The following LAMA3 variants were observed in gnomAD, a reference collection of about 807,000 sequenced individuals.
LAMA3 encodes laminin subunit alpha 3, also known as laminin subunit alpha-3.
LAMA3 carries 281 observed loss-of-function variants against 402.0 expected under a neutral mutation model. The observed-to-expected ratio is 0.70, with a 90% CI of 0.63 to 0.77. The LOEUF is 0.77. Among genes scored for constraint, LAMA3 ranks in the 30% least tolerant of loss-of-function variants. The probability of loss-of-function intolerance (pLI) is 0.00; values close to 1 mark genes in which losing one functional copy is unlikely to be tolerated. For synonymous variants in LAMA3, 1,431 were observed against 1,558.4 expected (o/e 0.92, Z 1.93); for missense variants, 3,840 against 4,215.5 (o/e 0.91, Z 2.47).
chr18:23,691,839 T>C (rs1353648290), intron 1 of LAMA3, among the ~76,000 whole-genome samples: 9 of 152,238 alleles, frequency 5.9e-5, no homozygotes, highest in African/African-American at 1.9e-4. Flanking sequence ...CCCAAAGTGC[T>C]GGGATTACAG....
Position 23,856,993 on chromosome 18 carries a change from C to T in LAMA3, c.4137-851C>T, listed in dbSNP as rs369416827. On this transcript the variant is annotated intron_variant, in intron 32 of 74. Coordinates refer to ENST00000313654, the MANE Select transcript of LAMA3 (RefSeq NM_198129.4). Reference sequence around the variant, plus strand: ...CACAAGTCCAACCACACCCTCTCCTCCTTAACAGCTGTTCATGTTGCCTTG... The same window carrying T: ...CACAAGTCCAACCACACCCTCTCCTTCTTAACAGCTGTTCATGTTGCCTTG... Among the ~76,000 whole-genome samples the T allele has an allele frequency of 2.0e-4, 30 of 152,274 alleles. No homozygotes were observed. In the South Asian group the frequency reaches 6.2e-3, roughly 32 times the overall value.
intron 64 of LAMA3, among the ~76,000 whole-genome samples, chr18:23,930,380 G>A (rs113983658): frequency 2.6e-5 from 4 of 152,128 alleles, no homozygotes; most frequent in African/African-American, 7.2e-5. Context: ...TTGAGGAATC[G>A]AGTCTTTGCT....
chr18:23,843,829 G>A (rs1035106980), intron 29 of LAMA3, among the ~76,000 whole-genome samples: 6 of 152,094 alleles, frequency 3.9e-5, no homozygotes, highest in Admixed American at 1.3e-4. Context: ...ATACAAATCC[G>A]TTCTCAAACC....
chr18:23,929,910 C>T lies in LAMA3; in HGVS notation c.8436+1145C>T, dbSNP rs190722229. 3.7e-3 allele frequency among the ~76,000 whole-genome samples: 570 copies of T among 152,220 alleles called. 4 individuals are homozygous for T. The highest frequency in any genetic ancestry group is 0.013 in the African/African-American group (554 of 41,536). On this transcript the variant is annotated intron_variant, in intron 64 of 74. Coordinates refer to ENST00000313654, the MANE Select transcript of LAMA3 (RefSeq NM_198129.4). The stretch of plus-strand genomic sequence containing the variant: ...AATTAGGTTAGCAAAAGATTAGATC[C>T]GCCCTGGACAATGGGGGAATCCTGG...
At position 23,689,667 on chromosome 18, in the gene LAMA3, G is replaced by C; in HGVS notation, c.-17G>C. 2 of 1,309,222 alleles carry C rather than the reference G, an allele frequency of 1.5e-6. No homozygotes were observed. The highest frequency in any genetic ancestry group is 6.3e-5 in the East Asian group (2 of 31,592). 81.1% of individuals were successfully genotyped at this position (1,309,222 alleles called of 1,614,324 possible). On this transcript the variant is annotated 5_prime_UTR_variant, in exon 1 of 75. Transcript: ENST00000313654. Reference sequence around the variant, plus strand: ...CCCTCTGCGGACGGCTCAGGCGGGAGGACCCCGCGCGGCTGGATGGCGGCG... The same window carrying C: ...CCCTCTGCGGACGGCTCAGGCGGGACGACCCCGCGCGGCTGGATGGCGGCG...
At chr18:23,916,365 A>G (rs2081620987) in intron 59 of LAMA3, among the ~76,000 whole-genome samples, 186 bp from the exon 60 acceptor site, 1 of 152,222 alleles carries the variant, frequency 6.6e-6, no homozygotes, top group African/African-American at 2.4e-5. Context: ...ATGAGAGCAC[A>G]TCCAGGAGAA....
intron 1 of LAMA3, among the ~76,000 whole-genome samples, chr18:23,702,373 C>T (rs566731261): frequency 1.3e-5 from 2 of 152,262 alleles, no homozygotes; most frequent in African/African-American, 4.8e-5. Flanking sequence ...CTTTGTTGCC[C>T]AGGCTGGAGT....
chr18:23,954,767 C>A lies in LAMA3; in HGVS notation c.*119C>A. 1.8e-6 allele frequency: 2 copies of A among 1,094,094 alleles called. No individual in the cohort carries two copies. The highest frequency in any genetic ancestry group is 2.8e-6 in the Non-Finnish European group (2 of 718,114). 67.8% of individuals were successfully genotyped at this position (1,094,094 alleles called of 1,614,324 possible). The stretch of plus-strand genomic sequence containing the variant: ...GACACAAACCAGACAGGTTTAATAG[C>A]GAATCTAATTTTGAATTCTGACCAT... On this transcript the variant is annotated 3_prime_UTR_variant, in exon 75 of 75. Coordinates refer to ENST00000313654, the MANE Select transcript of LAMA3 (RefSeq NM_198129.4).
At chr18:23,915,520 G>A (rs878912917) in intron 59 of LAMA3, 98 bp downstream of exon 59, 19 of 1,109,244 alleles carry the variant, frequency 1.7e-5, no homozygotes, top group Non-Finnish European at 2.6e-5. Context: ...AGATGCTATT[G>A]ATGTTGCTAG....
intron 32 of LAMA3, among the ~76,000 whole-genome samples, chr18:23,853,031 A>G (rs2063981073): frequency 1.3e-5 from 2 of 152,206 alleles, no homozygotes; most frequent in South Asian, 4.1e-4. Context: ...TTGACTGCTT[A>G]GCCAGCTTCT....
At chr18:23,939,191 C>T (rs2082405898) in intron 67 of LAMA3, 32 bp from the exon 68 acceptor site, 1 of 1,608,740 alleles carries the variant, frequency 6.2e-7, no homozygotes, top group South Asian at 1.1e-5. Flanking sequence ...CACTCTTTCC[C>T]CTGATAATTG....
In LAMA3 at chr18:23,814,441, T is replaced by C; in HGVS notation, c.1827T>C (p.Thr609=). Residue 609 remains threonine (T), a synonymous_variant, in exon 15 of 75, where the codon ACT becomes ACC. Coordinates refer to ENST00000313654, the MANE Select transcript of LAMA3 (RefSeq NM_198129.4). ...CQCKLHVEGP[T]CSRCKLLYWN... ...GCAAGCTTCATGTTGAAGGTCCTAC[T>C]TGTAGCCGCTGCAAACTGTTATATT... is the stretch of plus-strand genomic sequence containing the variant. 1 of 1,614,012 alleles carries C rather than the reference T, an allele frequency of 6.2e-7. No homozygotes were observed. The highest frequency in any genetic ancestry group is 8.5e-7 in the Non-Finnish European group (1 of 1,179,870).
In LAMA3 at chr18:23,757,672, T is replaced by A. The variant is rs375853945; in HGVS notation, c.948-724T>A. ...CCACAGACAGCTGCGCAAGACGGAA[T>A]CACACCAGGGCTGGACAATGGTTTT... On this transcript the variant is annotated intron_variant, in intron 6 of 74. Coordinates refer to ENST00000313654, the MANE Select transcript of LAMA3 (RefSeq NM_198129.4). Among the ~76,000 whole-genome samples, 13 of 152,324 alleles carry A rather than the reference T, an allele frequency of 8.5e-5. No homozygotes were observed. In the East Asian group the frequency reaches 1.9e-3, roughly 23 times the overall value.
chr18:23,858,000 C>G lies in LAMA3; in HGVS notation c.4281+12C>G, dbSNP rs573956536. The G allele has an allele frequency of 1.7e-5, 27 of 1,613,906 alleles. No individual in the cohort carries two copies. In the African/African-American group the frequency reaches 1.7e-4, roughly 10 times the overall value. On this transcript the variant is annotated intron_variant, in intron 33 of 74. Coordinates refer to ENST00000313654, the MANE Select transcript of LAMA3 (RefSeq NM_198129.4). ...CTTGCCTCTGCAAGGTAAGAGAGAT[C>G]GTGCAATGCCAGACAACAGCTGCCG...
Position 23,921,530 on chromosome 18 carries a change from G to C in LAMA3, c.8122G>C (p.Val2708Leu), listed in dbSNP as rs369885228. Reference sequence around the variant, plus strand: ...TCAAAACACTATAATTGATGGTGAAGTATTTGATTTCAGCACATATTATCT... The same window carrying C: ...TCAAAACACTATAATTGATGGTGAACTATTTGATTTCAGCACATATTATCT... ...DVQNTIIDGE[V>L]FDFSTYYLGG... Residue 2708 changes from valine to leucine, a missense_variant, in exon 62 of 75, where the codon GTA (valine) becomes CTA (leucine). Coordinates refer to ENST00000313654, the MANE Select transcript of LAMA3 (RefSeq NM_198129.4). The C allele has an allele frequency of 1.4e-5, 22 of 1,613,088 alleles. No homozygotes were observed. Among genetic ancestry groups the C allele is most frequent in the Non-Finnish European group, 1.9e-5 (22 of 1,179,240 alleles).
rs774346439 is a variant in LAMA3, at chr18:23,951,724, C to T, written c.9683C>T (p.Thr3228Met). Residue 3228 changes from threonine (T) to methionine (M), a missense_variant, in exon 73 of 75, where the codon ACG becomes ATG. By Grantham distance (81) the Thr-to-Met change is moderately conservative (BLOSUM62 -1). This residue lies in a region of LAMA3 where 840 missense variants were observed against 981.9 expected (regional missense o/e 0.86). Coordinates refer to ENST00000313654, the MANE Select transcript of LAMA3 (RefSeq NM_198129.4). ...GACAGTGGGGCAGGTGGGACCTCAA[C>T]GTCGGTCACACCAAAGCAGTCTCTG... ...SMDSGAGGTS[T>M]SVTPKQSLCD... 5.6e-6 allele frequency: 9 copies of T among 1,613,804 alleles called. No individual in the cohort carries two copies. The highest frequency in any genetic ancestry group is 7.6e-6 in the Non-Finnish European group (9 of 1,179,928).
At chr18:23,925,848 A>G (rs1031732125) in intron 62 of LAMA3, among the ~76,000 whole-genome samples, 2 of 152,350 alleles carry the variant, frequency 1.3e-5, no homozygotes, top group Middle Eastern at 3.4e-3. Flanking sequence ...AGAAAAAGGC[A>G]TGATCACTTC....
rs79302184 is a variant in LAMA3, at chr18:23,894,922, T to C, written c.5477T>C (p.Val1826Ala). 6.2e-7 allele frequency: 1 copy of C among 1,614,186 alleles called. No individual in the cohort carries two copies. Among genetic ancestry groups the C allele is most frequent in the East Asian group, 2.2e-5 (1 of 44,872 alleles). ...AEECDDCDSC[V>A]MTLLNDLATM... ...GCCCCTACAGATTGCGACAGCTGTG[T>C]GATGACCCTCCTGAACGACCTGGCC... is the stretch of plus-strand genomic sequence containing the variant. The change falls in exon 44 of 75, where the codon GTG becomes GCG. Residue 1826 changes from valine to alanine, a missense_variant. Transcript: ENST00000313654.
chr18:23,701,697 A>G (rs924858527), intron 1 of LAMA3, among the ~76,000 whole-genome samples: 2 of 152,194 alleles, frequency 1.3e-5, no homozygotes, highest in Non-Finnish European at 2.9e-5. Context: ...AAAGGAAATG[A>G]TTTGCAATTT....
Sources: gnomAD v4.1 joint callset for allele counts (sites outside exome capture counted in the v4.1 genomes callset) on GRCh38, gnomAD v4.1.1 for gene constraint, gnomAD v4.1.1 regional missense constraint, MANE v1.5 for transcripts, NCBI Gene and HGNC (gene_info 2026-07-23, HGNC 2026-07-21) for gene names.